The following ZMAT4 variants were observed in gnomAD, a reference collection of about 807,000 sequenced individuals.
ZMAT4 encodes zinc finger matrin-type 4.
ZMAT4 carries 17 observed loss-of-function variants against 28.7 expected under a neutral mutation model. The ratio of observed to expected loss-of-function variants is 0.59; its 90% CI spans 0.41 to 0.89. ZMAT4 has a LOEUF of 0.89. Among genes scored for constraint, ZMAT4 ranks in the 40% least tolerant of loss-of-function variants. The pLI is 0.00. For synonymous variants in ZMAT4, 117 were observed against 109.2 expected, an observed-to-expected ratio of 1.07 and a Z score of -0.44; for missense variants, 240 against 283.8, an observed-to-expected ratio of 0.85 and a Z score of 1.11.
chr8:40,832,880 G>A (rs1025720427), intron 1 of ZMAT4, among the ~76,000 whole-genome samples: 3 of 152,150 alleles, frequency 2.0e-5, no homozygotes, highest in Admixed American at 6.5e-5. Context: ...TGGGAGTGAG[G>A]GCTGACTGGT....
intron 5 of ZMAT4, among the ~76,000 whole-genome samples, chr8:40,591,021 T>G (rs1389985159): frequency 1.3e-5 from 2 of 152,112 alleles, no homozygotes; most frequent in African/African-American, 4.8e-5. Context: ...AGGGAGAGGT[T>G]TCTATCATCT....
intron 1 of ZMAT4, among the ~76,000 whole-genome samples, chr8:40,892,886 T>C (rs916560055): frequency 2.6e-5 from 4 of 152,330 alleles, no homozygotes; most frequent in South Asian, 2.1e-4. Context: ...CTGCACTCCA[T>C]GGCCCTTGCC....
At chr8:40,643,169 C>T (rs1449357789) in intron 5 of ZMAT4, among the ~76,000 whole-genome samples, 2 of 152,114 alleles carry the variant, frequency 1.3e-5, no homozygotes, top group Admixed American at 6.6e-5. Context: ...TCTGTGCCCA[C>T]ACACTAGATA....
chr8:40,752,207 A>C (rs1812479566), intron 3 of ZMAT4, among the ~76,000 whole-genome samples: 1 of 152,062 alleles, frequency 6.6e-6, no homozygotes, highest in African/African-American at 2.4e-5. Flanking sequence ...CTCACTTGGC[A>C]CCTATCTGGA....
At chr8:40,661,176 C>T (rs1808177412) in intron 5 of ZMAT4, among the ~76,000 whole-genome samples, 1 of 152,228 alleles carries the variant, frequency 6.6e-6, no homozygotes, top group Non-Finnish European at 1.5e-5. Context: ...TCATGGCTCA[C>T]TGCAACCTCC....
chr8:40,616,627 A>G (rs1248629408), intron 5 of ZMAT4, among the ~76,000 whole-genome samples: 5 of 152,158 alleles, frequency 3.3e-5, no homozygotes, highest in African/African-American at 4.8e-5. Flanking sequence ...TGAGCAAACT[A>G]TCACAAGGAC....
At chr8:40,689,102 G>T (rs1233733554) in intron 4 of ZMAT4, among the ~76,000 whole-genome samples, 3 of 152,252 alleles carry the variant, frequency 2.0e-5, no homozygotes, top group African/African-American at 7.2e-5. Flanking sequence ...CCTCCCATGG[G>T]TCCTTGGTCT....
chr8:40,541,108 A>G (rs1803014146), intron 6 of ZMAT4, among the ~76,000 whole-genome samples: 1 of 152,250 alleles, frequency 6.6e-6, no homozygotes, highest in South Asian at 2.1e-4. Context: ...ATGAATTAAT[A>G]TATGGAAGTA....
chr8:40,892,821 G>A (rs534944667), intron 1 of ZMAT4, among the ~76,000 whole-genome samples: 4 of 152,322 alleles, frequency 2.6e-5, no homozygotes, highest in Admixed American at 2.0e-4. Context: ...CAGGGGAAGG[G>A]TCTCTAGGCT....
chr8:40,583,846 C>T (rs548569555), intron 5 of ZMAT4, among the ~76,000 whole-genome samples: 3 of 152,224 alleles, frequency 2.0e-5, no homozygotes, highest in East Asian at 1.9e-4. Context: ...AGTCCTTGAT[C>T]GGCCTCCCAC....
chr8:40,592,290 C>T (rs1804921126), intron 5 of ZMAT4, among the ~76,000 whole-genome samples: 2 of 152,298 alleles, frequency 1.3e-5, no homozygotes, highest in South Asian at 2.1e-4. Context: ...GAAAACAGCT[C>T]TTCCCTCTGA....
intron 1 of ZMAT4, among the ~76,000 whole-genome samples, chr8:40,841,806 C>G (rs1156878168): frequency 6.6e-6 from 1 of 152,192 alleles, no homozygotes; most frequent in Non-Finnish European, 1.5e-5. Context: ...TCTATTGCTT[C>G]CCAGTAGAAC....
chr8:40,618,721 G>C (rs961590399), intron 5 of ZMAT4, among the ~76,000 whole-genome samples: 2 of 151,654 alleles, frequency 1.3e-5, no homozygotes, highest in Non-Finnish European at 2.9e-5. Flanking sequence ...ATGGAAAGTG[G>C]GAGCAGAGCA....
At chr8:40,568,559 G>A (rs1286531077) in intron 6 of ZMAT4, among the ~76,000 whole-genome samples, 1 of 152,040 alleles carries the variant, frequency 6.6e-6, no homozygotes, top group Non-Finnish European at 1.5e-5. Context: ...AGTATTGAGG[G>A]TTACACCTCA....
chr8:40,706,334 G>T (rs964313620), intron 3 of ZMAT4, among the ~76,000 whole-genome samples: 1 of 152,172 alleles, frequency 6.6e-6, no homozygotes, highest in South Asian at 2.1e-4. Context: ...GATTACAGGC[G>T]TGAGCCACTG....
At chr8:40,632,283 A>G (rs897718084) in intron 5 of ZMAT4, among the ~76,000 whole-genome samples, 3 of 152,232 alleles carry the variant, frequency 2.0e-5, no homozygotes, top group African/African-American at 7.2e-5. Context: ...AATGTTTTTA[A>G]AAAGGGGAAT....
chr8:40,820,238 G>A (rs574492652), intron 2 of ZMAT4, among the ~76,000 whole-genome samples: 54 of 150,592 alleles, frequency 3.6e-4, no homozygotes, highest in African/African-American at 1.2e-3. Context: ...GTGTGTGTAC[G>A]TGTGCGCATA....
At chr8:40,632,067 C>G (rs1383125090) in intron 5 of ZMAT4, among the ~76,000 whole-genome samples, 1 of 152,126 alleles carries the variant, frequency 6.6e-6, no homozygotes, top group African/African-American at 2.4e-5. Context: ...CTGCCTGGTC[C>G]AACTGGTGAA....
At chr8:40,720,047 T>C (rs754816349) in intron 3 of ZMAT4, among the ~76,000 whole-genome samples, 14 of 152,202 alleles carry the variant, frequency 9.2e-5, no homozygotes, top group Non-Finnish European at 1.9e-4. Flanking sequence ...CTGCCTCCCA[T>C]GAACCTAGGT....
Sources: gnomAD v4.1 joint callset for allele counts (sites outside exome capture counted in the v4.1 genomes callset) on GRCh38, gnomAD v4.1.1 for gene constraint, MANE v1.5 for transcripts, NCBI Gene and HGNC (gene_info 2026-07-23, HGNC 2026-07-21) for gene names.